The following DUSP8 variants were observed in gnomAD, a reference collection of about 807,000 sequenced individuals.
The protein encoded by DUSP8 is dual specificity protein phosphatase 8.
A neutral mutation model predicts 38.7 loss-of-function variants in DUSP8; 15 were observed. The ratio of observed to expected loss-of-function variants is 0.39; its 90% confidence interval spans 0.26 to 0.60. The LOEUF (loss-of-function observed/expected upper bound fraction) is 0.60. Ranked by LOEUF, DUSP8 falls within the 20% of genes least tolerant of loss-of-function variation. DUSP8 has a pLI of 0.56. For synonymous variants in DUSP8, 458 were observed against 433.9 expected, an observed-to-expected ratio of 1.06 and a Z score of -0.69; for missense variants, 768 against 915.0, an observed-to-expected ratio of 0.84 and a Z score of 2.07.
chr11:1,565,877 G>T lies in DUSP8; in HGVS notation c.-51C>A. Reference sequence around the variant, plus strand: ...GTGACCCCTGAAGTGAGGAGGGGCTGCTCCGACGGCCCAGGTGTGGCCTCG... The same window carrying T: ...GTGACCCCTGAAGTGAGGAGGGGCTTCTCCGACGGCCCAGGTGTGGCCTCG... On this transcript the variant is annotated 5_prime_UTR_variant, in exon 2 of 7. Transcript: ENST00000397374. 6.7e-7 allele frequency: 1 copy of T among 1,496,444 alleles called. No individual in the cohort carries two copies. Among genetic ancestry groups the T allele is most frequent in the Non-Finnish European group, 9.3e-7 (1 of 1,079,884 alleles). 92.7% of individuals were successfully genotyped at this position (1,496,444 alleles called of 1,614,324 possible).
intron 1 of DUSP8, among the ~76,000 whole-genome samples, chr11:1,570,882 T>A (rs1305016927): frequency 1.3e-5 from 2 of 151,882 alleles, no homozygotes; most frequent in Admixed American, 1.3e-4. Context: ...GGGGTTTGGA[T>A]CTCCCCTCAG....
At chr11:1,564,384 G>A (rs779547024) in intron 2 of DUSP8, among the ~76,000 whole-genome samples, 14 of 152,212 alleles carry the variant, frequency 9.2e-5, no homozygotes, top group Admixed American at 2.0e-4. Context: ...AGAGAAGCTC[G>A]GCCCTGAAAC....
chr11:1,562,561 A>G (rs1057488674), intron 3 of DUSP8, among the ~76,000 whole-genome samples: 8 of 152,150 alleles, frequency 5.3e-5, no homozygotes, highest in Non-Finnish European at 8.8e-5. Context: ...GGGTACATAC[A>G]CAAATATACC....
At position 1,557,275 on chromosome 11, in the gene DUSP8, A is replaced by C; in HGVS notation, c.1121T>G (p.Leu374Arg). The C allele has an allele frequency of 6.7e-7, 1 of 1,484,348 alleles. No homozygotes were observed. The highest frequency in any genetic ancestry group is 8.9e-7 in the Non-Finnish European group (1 of 1,122,252). 91.9% of individuals were successfully genotyped at this position (1,484,348 alleles called of 1,614,324 possible). ...PPATSALQQGLRGLHLSSDRL... is the reference protein window; with the variant it reads ...PPATSALQQGRRGLHLSSDRL... Reference sequence around the variant, plus strand: ...GTCCGAGGAGAGGTGCAGGCCGCGCAGGCCCTGCTGCAGTGCGCTGGTCGC... The same window carrying C: ...GTCCGAGGAGAGGTGCAGGCCGCGCCGGCCCTGCTGCAGTGCGCTGGTCGC... Residue 374 changes from leucine to arginine, a missense_variant, in exon 7 of 7, where the codon CTG becomes CGG. Physicochemically the swap from Leu to Arg is moderately radical, Grantham distance 102. Around this residue, in one of 3 missense-constraint regions of DUSP8, gnomAD observed 474 missense variants for 430.8 expected, o/e 1.10. Transcript: ENST00000397374. This position sits in a 1 kb window ranked among gnomAD's most constrained non-coding sequence, Gnocchi z 9.9.
chr11:1,561,421 C>T (rs954059994), intron 3 of DUSP8, among the ~76,000 whole-genome samples: 11 of 152,234 alleles, frequency 7.2e-5, no homozygotes, highest in African/African-American at 2.2e-4. Context: ...CCCTGGACTC[C>T]CCGCCAGGGC....
chr11:1,561,009 C>T (rs1446467979), intron 3 of DUSP8, among the ~76,000 whole-genome samples: 2 of 152,084 alleles, frequency 1.3e-5, no homozygotes, highest in African/African-American at 2.4e-5. Context: ...CCTCCCCAGG[C>T]GGAGCAGGTA....
chr11:1,564,577 C>T (rs1055471953), intron 2 of DUSP8, among the ~76,000 whole-genome samples: 3 of 152,234 alleles, frequency 2.0e-5, no homozygotes, highest in Non-Finnish European at 4.4e-5. Context: ...CTCCCCCACC[C>T]CAAGGGCCAG....
At chr11:1,564,781 G>C (rs963874803) in intron 2 of DUSP8, among the ~76,000 whole-genome samples, 49 of 152,214 alleles carry the variant, frequency 3.2e-4, no homozygotes, top group Non-Finnish European at 1.2e-4. Context: ...AAACCAAAGG[G>C]AGCCGATTCT....
intron 1 of DUSP8, among the ~76,000 whole-genome samples, chr11:1,570,826 G>A (rs1172219946): frequency 1.3e-5 from 2 of 152,170 alleles, no homozygotes; most frequent in Non-Finnish European, 2.9e-5. Flanking sequence ...AGGTGCAACA[G>A]TGTCTCTGGG....
chr11:1,561,170 G>A (rs769565498), intron 3 of DUSP8, among the ~76,000 whole-genome samples: 2 of 152,036 alleles, frequency 1.3e-5, no homozygotes, highest in Non-Finnish European at 2.9e-5. Flanking sequence ...AGCACTCTTT[G>A]GGCCCTGGGG....
Position 1,557,587 on chromosome 11 carries a change from A to C in DUSP8, c.822-13T>G. The C allele has an allele frequency of 6.4e-7, 1 of 1,552,398 alleles. No individual in the cohort carries two copies. The highest frequency in any genetic ancestry group is 8.6e-7 in the Non-Finnish European group (1 of 1,157,672). The stretch of plus-strand genomic sequence containing the variant: ...GTCCTTCACGAACCTGCGGGGGAGG[A>C]GGCTCAGTCCCAGGCGCCCGCCGGG... On this transcript the variant is annotated splice_polypyrimidine_tract_variant and intron_variant, in intron 6 of 6. Transcript: ENST00000397374. This position sits in a 1 kb window ranked among gnomAD's most constrained non-coding sequence, Gnocchi z 9.9.
chr11:1,559,120 C>G, intron 3 of DUSP8, 65 bp from the exon 4 acceptor site: 2 of 1,509,310 alleles, frequency 1.3e-6, no homozygotes, highest in Non-Finnish European at 1.8e-6. Flanking sequence ...GCCTAGGGTG[C>G]CCTGTCCGCC....
chr11:1,557,554 G>A lies in DUSP8; in HGVS notation c.842C>T (p.Pro281Leu). 1 of 1,588,184 alleles carries A rather than the reference G, an allele frequency of 6.3e-7. No homozygotes were observed. Among genetic ancestry groups the A allele is most frequent in the Non-Finnish European group, 8.5e-7 (1 of 1,175,436 alleles). ...DAYRFVKDRR[P>L]SISPNFNFLG... ...GAAGTTGAAGTTGGGCGAGATGGACGGGCGCCTGTCCTTCACGAACCTGCG... is the reference window on the plus strand; with the variant it reads ...GAAGTTGAAGTTGGGCGAGATGGACAGGCGCCTGTCCTTCACGAACCTGCG... Residue 281 changes from proline to leucine, a missense_variant, in exon 7 of 7, where the codon CCG becomes CTG. By Grantham distance (98) the Pro-to-Leu change is moderately conservative (BLOSUM62 -3). Coordinates refer to ENST00000397374, the MANE Select transcript of DUSP8 (RefSeq NM_004420.3). The surrounding 1 kb of genome is among the most constrained non-coding windows in gnomAD (Gnocchi z 9.9).
rs976991853 is a variant in DUSP8 at position 1,555,957 on chromosome 11, A to C, written c.*561T>G. 1 of 152,156 alleles carries C rather than the reference A, an allele frequency of 6.6e-6. No individual in the cohort carries two copies. Among genetic ancestry groups the C allele is most frequent in the African/African-American group, 2.4e-5 (1 of 41,394 alleles). 9.4% of individuals were successfully genotyped at this position (152,156 alleles called of 1,614,324 possible). A position where few individuals can be genotyped will look rare whatever the true frequency, so the allele number is the denominator to read the frequency against. On this transcript the variant is annotated 3_prime_UTR_variant, in exon 7 of 7. Coordinates refer to ENST00000397374, the MANE Select transcript of DUSP8 (RefSeq NM_004420.3). ...GCGGGGTGCCCTCCTTGCCACCAAG[A>C]TTTGGTGCCTGGAGCTGATGGAGGG... is the stretch of plus-strand genomic sequence containing the variant.
rs935486782 is a variant in DUSP8 at position 1,556,700 on chromosome 11, G to C, written c.1696C>G (p.Pro566Ala). 3 of 1,265,338 alleles carry C rather than the reference G, an allele frequency of 2.4e-6. No homozygotes were observed. Among genetic ancestry groups the C allele is most frequent in the Non-Finnish European group, 3.0e-6 (3 of 1,005,774 alleles). 78.4% of individuals were successfully genotyped at this position (1,265,338 alleles called of 1,614,324 possible). Residue 566 changes from proline (P) to alanine (A), a missense_variant, in exon 7 of 7, where the codon CCC becomes GCC. Physicochemically the swap from Pro to Ala is conservative, Grantham distance 27. Coordinates refer to ENST00000397374, the MANE Select transcript of DUSP8 (RefSeq NM_004420.3). The surrounding 1 kb of genome is among the most constrained non-coding windows in gnomAD (Gnocchi z 5.2). Reference protein sequence around the residue: ...LRRREAARAEPRDARTGWPEE... With the variant: ...LRRREAARAEARDARTGWPEE... ...GGCCAGCCGGTCCGCGCGTCCCGGG[G>C]CTCAGCCCTCGCTGCCTCCCGCCGC...
Position 1,558,806 on chromosome 11 carries a change from AT to A in DUSP8, c.537+82del, listed in dbSNP as rs1848674667. The A allele has an allele frequency of 1.3e-6, 2 of 1,481,794 alleles. No individual in the cohort carries two copies. Among genetic ancestry groups the A allele is most frequent in the African/African-American group, 2.8e-5 (2 of 70,730 alleles). 91.8% of individuals were successfully genotyped at this position (1,481,794 alleles called of 1,614,324 possible). Reference sequence around the variant, plus strand: ...CTGCCTTCAGCTCCTTTCCTCCCTCATCCCCCGCTCCGCTGCCAAGCTGCTT... The same window carrying A: ...CTGCCTTCAGCTCCTTTCCTCCCTCACCCCCGCTCCGCTGCCAAGCTGCTT... On this transcript the variant is annotated intron_variant, in intron 4 of 6. Transcript: ENST00000397374. The surrounding 1 kb of genome is among the most constrained non-coding windows in gnomAD (Gnocchi z 6.3).
In DUSP8 at chr11:1,554,981, G is replaced by A; in HGVS notation, c.*1537C>T. 4 of 986,328 alleles carry A rather than the reference G, an allele frequency of 4.1e-6. No homozygotes were observed. Among genetic ancestry groups the A allele is most frequent in the Non-Finnish European group, 4.8e-6 (4 of 830,252 alleles). 61.1% of individuals were successfully genotyped at this position (986,328 alleles called of 1,614,324 possible). ...TGGGTGAAAAGAAGAACAAATAGAA[G>A]AAACAGCAGAGAGGGCGGCTGGCTG... is the stretch of plus-strand genomic sequence containing the variant. On this transcript the variant is annotated 3_prime_UTR_variant, in exon 7 of 7. Transcript: ENST00000397374.
Position 1,572,031 on chromosome 11 carries a change from GCGTCGCCGTCGCCGCCGTCGC to G in DUSP8, c.-260_-240del, listed in dbSNP as rs972483297. The G allele has an allele frequency of 1.4e-5, 2 of 145,446 alleles. No individual in the cohort carries two copies. The highest frequency in any genetic ancestry group is 3.0e-5 in the Non-Finnish European group (2 of 65,576). 9.0% of individuals were successfully genotyped at this position (145,446 alleles called of 1,614,324 possible). On this transcript the variant is annotated 5_prime_UTR_variant, in exon 1 of 7. Coordinates refer to ENST00000397374, the MANE Select transcript of DUSP8 (RefSeq NM_004420.3). The surrounding 1 kb of genome is among the most constrained non-coding windows in gnomAD (Gnocchi z 4.7). Reference sequence around the variant, plus strand: ...CAGGGGCCGGGGGAGCGCGCGGGCCGCGTCGCCGTCGCCGCCGTCGCCGCCGCCAACGCCGCGGGGAGCGCT... The same window carrying G: ...CAGGGGCCGGGGGAGCGCGCGGGCCGCGCCGCCAACGCCGCGGGGAGCGCT...
At chr11:1,563,178 G>A (rs1350351868) in intron 3 of DUSP8, among the ~76,000 whole-genome samples, 1 of 152,176 alleles carries the variant, frequency 6.6e-6, no homozygotes, top group East Asian at 1.9e-4. Flanking sequence ...CTGGATGGGG[G>A]AGGGTGCACA....
Sources: gnomAD v4.1 joint callset for allele counts (sites outside exome capture counted in the v4.1 genomes callset) on GRCh38, gnomAD v4.1.1 for gene constraint, gnomAD v4.1.1 regional missense constraint, Gnocchi (gnomAD v3.1) non-coding constraint, MANE v1.5 for transcripts, NCBI Gene and HGNC (gene_info 2026-07-23, HGNC 2026-07-21) for gene names.